The following NRG1 variants were observed in gnomAD, a reference collection of about 807,000 sequenced individuals.
The protein encoded by NRG1 is neuregulin 1, also known as pro-neuregulin-1, membrane-bound isoform.
A neutral mutation model predicts 63.8 loss-of-function variants in NRG1; 18 were observed. That is an observed-to-expected ratio of 0.28 (90% CI 0.19 to 0.42). The LOEUF (loss-of-function observed/expected upper bound fraction) is 0.42. Ranked by LOEUF, NRG1 falls within the 10% of genes least tolerant of loss-of-function variation. The probability of loss-of-function intolerance (pLI) is 1.00; values close to 1 mark genes in which losing one functional copy is unlikely to be tolerated. For synonymous variants in NRG1, 302 were observed against 301.3 expected, an observed-to-expected ratio of 1.00 and a Z score of -0.02; for missense variants, 762 against 814.7, an observed-to-expected ratio of 0.94 and a Z score of 0.79.
At chr8:32,603,729 C>A (rs1433060945) in intron 2 of NRG1, among the ~76,000 whole-genome samples, 2 of 152,164 alleles carry the variant, frequency 1.3e-5, no homozygotes, top group Non-Finnish European at 2.9e-5. Flanking sequence ...TCTTCCTCGG[C>A]CTCCCAAAGT....
intron 5 of NRG1, among the ~76,000 whole-genome samples, chr8:32,642,889 A>T (rs2129546006): frequency 6.6e-6 from 1 of 152,348 alleles, no homozygotes; most frequent in East Asian, 1.9e-4. Flanking sequence ...GTCATTTATC[A>T]TTCTCTTTCA....
chr8:32,346,182 C>A, intron 1 of NRG1, among the ~76,000 whole-genome samples: 1 of 144,692 alleles, frequency 6.9e-6, no homozygotes. Flanking sequence ...TGAATATATA[C>A]AGATGAATAG....
chr8:32,285,183 A>C (rs1274888508), intron 1 of NRG1, among the ~76,000 whole-genome samples: 1 of 152,220 alleles, frequency 6.6e-6, no homozygotes, highest in Non-Finnish European at 1.5e-5. Flanking sequence ...TTATAAAATC[A>C]GGCATTCTAA....
chr8:32,459,686 T>C (rs1208295213), intron 1 of NRG1, among the ~76,000 whole-genome samples: 3 of 152,174 alleles, frequency 2.0e-5, no homozygotes, highest in African/African-American at 7.2e-5. Flanking sequence ...TTTTACTTCA[T>C]TTAGAATAAA....
At chr8:32,319,650 T>A (rs1192200335) in intron 1 of NRG1, among the ~76,000 whole-genome samples, 1 of 152,172 alleles carries the variant, frequency 6.6e-6, no homozygotes, top group Non-Finnish European at 1.5e-5. Flanking sequence ...AGGATTTTTT[T>A]AAATTAAAAG....
At chr8:31,645,298 A>T (rs147772922) in intron 1 of NRG1, among the ~76,000 whole-genome samples, 89 of 152,342 alleles carry the variant, frequency 5.8e-4, no homozygotes, top group Middle Eastern at 3.4e-3. Context: ...CTAATGTTGA[A>T]TTATTTGTGG....
chr8:32,518,015 A>AT (rs1829999199), intron 1 of NRG1, among the ~76,000 whole-genome samples: 1 of 152,160 alleles, frequency 6.6e-6, no homozygotes, highest in South Asian at 2.1e-4. Context: ...GTGTTGTTTA[A>AT]AAGCCCTGGA....
chr8:32,573,568 G>A (rs571125034), intron 1 of NRG1, among the ~76,000 whole-genome samples: 48 of 152,132 alleles, frequency 3.2e-4, no homozygotes, highest in Non-Finnish European at 4.4e-4. Flanking sequence ...AGCCAGTTCT[G>A]TCTTTTCATT....
chr8:32,457,673 C>T (rs1180466070), intron 1 of NRG1, among the ~76,000 whole-genome samples: 2 of 152,192 alleles, frequency 1.3e-5, no homozygotes, highest in African/African-American at 2.4e-5. Flanking sequence ...CCAAATCTCT[C>T]TGTTACCAGG....
intron 1 of NRG1, among the ~76,000 whole-genome samples, chr8:32,162,560 TGG>T (rs1838953985): frequency 6.6e-6 from 1 of 152,170 alleles, no homozygotes; most frequent in Non-Finnish European, 1.5e-5. Flanking sequence ...AGACAAAACT[TGG>T]AGGCATAGTA....
At chr8:32,150,629 TA>T (rs760065428) in intron 1 of NRG1, among the ~76,000 whole-genome samples, 1 of 152,126 alleles carries the variant, frequency 6.6e-6, no homozygotes, top group East Asian at 1.9e-4. Context: ...CTGTGATAAT[TA>T]AATTTATTTT....
At chr8:32,242,271 C>T (rs1313912060) in intron 1 of NRG1, among the ~76,000 whole-genome samples, 3 of 152,000 alleles carry the variant, frequency 2.0e-5, no homozygotes, top group Admixed American at 6.6e-5. Flanking sequence ...GTCAGGAGTT[C>T]GAGACCACCC....
chr8:32,539,346 G>T (rs1295807451), intron 1 of NRG1, among the ~76,000 whole-genome samples: 1 of 152,168 alleles, frequency 6.6e-6, no homozygotes, highest in Non-Finnish European at 1.5e-5. Flanking sequence ...CATAAGAAGA[G>T]AATTTACAAG....
intron 1 of NRG1, among the ~76,000 whole-genome samples, chr8:32,251,213 C>A (rs188244130): frequency 1.3e-5 from 2 of 152,034 alleles, no homozygotes; most frequent in African/African-American, 4.8e-5. Flanking sequence ...CCCGCTCCCC[C>A]CACCCCACAA....
chr8:32,331,121 C>T (rs752168218), intron 1 of NRG1, among the ~76,000 whole-genome samples: 1 of 151,970 alleles, frequency 6.6e-6, no homozygotes, highest in Admixed American at 6.6e-5. Flanking sequence ...TAAATAGAGT[C>T]GTTACGCAAG....
intron 1 of NRG1, among the ~76,000 whole-genome samples, chr8:32,419,782 C>A (rs113075338): frequency 6.6e-6 from 1 of 152,060 alleles, no homozygotes; most frequent in African/African-American, 2.4e-5. Context: ...TACAACATAA[C>A]GCAGCTTGAC....
chr8:31,757,435 C>G (rs1817085314), intron 1 of NRG1, among the ~76,000 whole-genome samples: 1 of 152,086 alleles, frequency 6.6e-6, no homozygotes, highest in Admixed American at 6.6e-5. Context: ...TAAATCAGGA[C>G]ATTAGTTTTA....
rs113999943 is a variant in NRG1, at chr8:32,326,639, T to G, written c.38-269189T>G. Among the ~76,000 whole-genome samples the G allele has an allele frequency of 8.8e-3, 1,342 of 152,168 alleles. 23 individuals carry two copies. The highest frequency in any genetic ancestry group is 0.031 in the African/African-American group (1,298 of 41,516). ...CCACCACGCGCAGCCAGCCATCACA[T>G]TTTTAGATAAAACATCGAGGAAGTA... is the stretch of plus-strand genomic sequence containing the variant. On this transcript the variant is annotated intron_variant, in intron 1 of 10. Coordinates refer to the NRG1 transcript ENST00000519301.
chr8:31,851,348 T>C (rs368604599), intron 1 of NRG1, among the ~76,000 whole-genome samples: 251 of 152,302 alleles, frequency 1.6e-3, no homozygotes, highest in African/African-American at 5.9e-3. Context: ...CTGTAAAAAT[T>C]GGACACCATT....
Sources: allele counts gnomAD v4.1 joint callset (sites outside exome capture counted in the v4.1 genomes callset), GRCh38; gene constraint gnomAD v4.1.1; transcripts MANE v1.5; gene names NCBI Gene and HGNC (gene_info 2026-07-23, HGNC 2026-07-21).